The following RYR3 variants were observed in gnomAD, a reference collection of about 807,000 sequenced individuals.
The protein encoded by RYR3 is ryanodine receptor 3, also known as brain ryanodine receptor-calcium release channel.
A neutral mutation model predicts 584.3 loss-of-function variants in RYR3; 207 were observed. The observed-to-expected ratio is 0.35, with a 90% CI of 0.32 to 0.40. RYR3 has a LOEUF of 0.40. Among genes scored for constraint, RYR3 ranks in the 10% least tolerant of loss-of-function variants. RYR3 has a pLI of 1.00. For missense variants in RYR3, 5,616 were observed against 6,089.2 expected, an observed-to-expected ratio of 0.92 and a Z score of 2.59; for synonymous variants, 2,416 against 2,248.5, an observed-to-expected ratio of 1.07 and a Z score of -2.11.
chr15:33,571,537 TA>T (rs1381225774), intron 12 of RYR3, among the ~76,000 whole-genome samples: 1 of 152,202 alleles, frequency 6.6e-6, no homozygotes, highest in African/African-American at 2.4e-5. Flanking sequence ...TGCCCTTTTG[TA>T]ATTTTAAACT....
intron 13 of RYR3, among the ~76,000 whole-genome samples, 170 bp downstream of exon 13, chr15:33,580,314 C>T (rs1394116729): frequency 2.0e-5 from 3 of 152,204 alleles, no homozygotes; most frequent in Non-Finnish European, 4.4e-5. Flanking sequence ...GTCCACCAAA[C>T]CTGGTTACAT....
chr15:33,694,052 A>G (rs927958527), intron 38 of RYR3, among the ~76,000 whole-genome samples: 2 of 152,128 alleles, frequency 1.3e-5, no homozygotes, highest in African/African-American at 2.4e-5. Flanking sequence ...AAGTTTTGTC[A>G]AGGACCAGCA....
chr15:33,864,910 G>T, intron 103 of RYR3: 2 of 503,704 alleles, frequency 4.0e-6, no homozygotes, highest in Non-Finnish European at 3.5e-6. Context: ...TTGGGGCAGA[G>T]GGGGATTTTT....
chr15:33,798,135 G>A (rs2075729764), intron 67 of RYR3, among the ~76,000 whole-genome samples: 1 of 152,014 alleles, frequency 6.6e-6, no homozygotes, highest in African/African-American at 2.4e-5. Context: ...GGCCCAGGCT[G>A]GAATGCAATG....
At chr15:33,763,904 A>AAAAAAAAAAAAACAAAAC (rs1567121773) in intron 60 of RYR3, among the ~76,000 whole-genome samples, 1 of 130,576 alleles carries the variant, frequency 7.7e-6, no homozygotes, top group African/African-American at 3.3e-5. Flanking sequence ...AAAAAAAAAA[A>AAAAAAAAAAAAACAAAAC]AAAAAAAAAA....
At chr15:33,808,724 T>C (rs2076340896) in intron 70 of RYR3, among the ~76,000 whole-genome samples, 2 of 152,190 alleles carry the variant, frequency 1.3e-5, no homozygotes, top group Admixed American at 6.5e-5. Flanking sequence ...CAGCCAGTGA[T>C]AGTTGGCACA....
At chr15:33,499,434 A>G (rs1480511957) in intron 2 of RYR3, among the ~76,000 whole-genome samples, 1 of 152,100 alleles carries the variant, frequency 6.6e-6, no homozygotes, top group Non-Finnish European at 1.5e-5. Context: ...TACTTCAAAA[A>G]TTATTCATTT....
At chr15:33,356,171 G>T (rs911877389) in intron 1 of RYR3, among the ~76,000 whole-genome samples, 4 of 152,132 alleles carry the variant, frequency 2.6e-5, no homozygotes, top group African/African-American at 9.7e-5. Flanking sequence ...GAGTGAGAAG[G>T]TCCGTGTTAG....
At chr15:33,727,605 C>T (rs969063195) in intron 46 of RYR3, among the ~76,000 whole-genome samples, 3 of 152,202 alleles carry the variant, frequency 2.0e-5, no homozygotes, top group African/African-American at 7.2e-5. Context: ...AAGTCAATTT[C>T]AGCCATTCAG....
At chr15:33,650,477 G>A (rs540838901) in intron 31 of RYR3, among the ~76,000 whole-genome samples, 91 of 152,296 alleles carry the variant, frequency 6.0e-4, no homozygotes, top group African/African-American at 2.0e-3. Flanking sequence ...CCTGGGCCTC[G>A]ATTTCCTTAT....
At chr15:33,450,553 A>AGAGTTCCTT (rs2047036149) in intron 1 of RYR3, among the ~76,000 whole-genome samples, 1 of 151,684 alleles carries the variant, frequency 6.6e-6, no homozygotes, top group South Asian at 2.1e-4. Context: ...ATTCCTAGGC[A>AGAGTTCCTT]GAGCTCCTTG....
In RYR3 at chr15:33,448,284, TC is replaced by T. The variant is rs111533269; in HGVS notation, c.52-25133del. 5.1e-3 allele frequency among the ~76,000 whole-genome samples: 770 copies of T among 152,336 alleles called. 6 individuals carry two copies. Among genetic ancestry groups the T allele is most frequent in the African/African-American group, 0.018 (733 of 41,582 alleles). On this transcript the variant is annotated intron_variant, in intron 1 of 103. Coordinates refer to ENST00000634891, the MANE Select transcript of RYR3 (RefSeq NM_001036.6). ...TTTGTGTTTCATGACTGCTTTTTGC[TC>T]CTCTCCCTTTTCCAGATCAGAGTCA...
At position 33,812,928 on chromosome 15, in the gene RYR3, T is replaced by G. The variant is rs1447677652; in HGVS notation, c.10323T>G (p.Pro3441=). ...AGGATGTTCTGAAGAGTGAAGAACC[T>G]TTCAATCCGGAAAAGACAGTGGAGC... ...LYKDVLKSEE[P]FNPEKTVERV... is the part of the protein sequence containing the mutation. The change falls in exon 73 of 104, where the codon CCT becomes CCG. Residue 3441 remains proline, a synonymous_variant. Coordinates refer to ENST00000634891, the MANE Select transcript of RYR3 (RefSeq NM_001036.6). 1.9e-6 allele frequency: 3 copies of G among 1,613,960 alleles called. No homozygotes were observed. The highest frequency in any genetic ancestry group is 2.5e-6 in the Non-Finnish European group (3 of 1,179,862).
intron 103 of RYR3, among the ~76,000 whole-genome samples, chr15:33,864,416 G>C (rs932285526): frequency 6.6e-6 from 1 of 151,236 alleles, no homozygotes; most frequent in African/African-American, 2.4e-5. Context: ...CAGACTAGAA[G>C]AGCTGGAGGT....
At chr15:33,862,437 G>C (rs1888632132) in intron 102 of RYR3, among the ~76,000 whole-genome samples, 1 of 151,966 alleles carries the variant, frequency 6.6e-6, no homozygotes, top group Non-Finnish European at 1.5e-5. Context: ...GAACTCCTGA[G>C]CTCAAGCTAT....
At chr15:33,569,284 A>G (rs2057891127) in intron 12 of RYR3, among the ~76,000 whole-genome samples, 1 of 152,220 alleles carries the variant, frequency 6.6e-6, no homozygotes, top group Non-Finnish European at 1.5e-5. Flanking sequence ...GGTAAAATAT[A>G]CATCACATAA....
chr15:33,643,846 T>C (rs2061960445), intron 27 of RYR3, among the ~76,000 whole-genome samples: 1 of 152,178 alleles, frequency 6.6e-6, no homozygotes, highest in African/African-American at 2.4e-5. Flanking sequence ...AACATATTCA[T>C]CATCTCACAT....
chr15:33,644,618 C>A, intron 28 of RYR3, 99 bp downstream of exon 28: 2 of 874,122 alleles, frequency 2.3e-6, no homozygotes, highest in African/African-American at 1.7e-5. Flanking sequence ...TTACCTAAGT[C>A]TATGCCCTGG....
At position 33,837,551 on chromosome 15, in the gene RYR3, T is replaced by C; in HGVS notation, c.11651-80T>C. ...TGACTAATTTGGCACAAAAGTCTTC[T>C]AAAAATAGCTACCTGACAAGTGACA... On this transcript the variant is annotated intron_variant, in intron 88 of 103. Transcript: ENST00000634891. 3.5e-6 allele frequency: 5 copies of C among 1,446,202 alleles called. No individual in the cohort carries two copies. The South Asian group carries it at 7.5e-5, about 22-fold the overall frequency. 89.6% of individuals were successfully genotyped at this position (1,446,202 alleles called of 1,614,324 possible).
Sources: gnomAD v4.1 joint callset for allele counts (sites outside exome capture counted in the v4.1 genomes callset) on GRCh38, gnomAD v4.1.1 for gene constraint, MANE v1.5 for transcripts, NCBI Gene and HGNC (gene_info 2026-07-23, HGNC 2026-07-21) for gene names.